SCUBE3: variants seen among roughly 807,000 people sequenced by gnomAD.
SCUBE3 encodes signal peptide, CUB and EGF-like domain-containing protein 3.
In SCUBE3, 33 loss-of-function variants were observed where a neutral mutation model predicts 116.8. The observed-to-expected ratio is 0.28, with a 90% CI of 0.21 to 0.38. SCUBE3 has a LOEUF of 0.38. Ranked by LOEUF, SCUBE3 falls within the 10% of genes least tolerant of loss-of-function variation. The probability of loss-of-function intolerance (pLI) is 1.00; values close to 1 mark genes in which losing one functional copy is unlikely to be tolerated. For missense variants in SCUBE3, 1,007 were observed against 1,324.8 expected (o/e 0.76, Z 3.72); for synonymous variants, 418 against 496.9 (o/e 0.84, Z 2.11).
At chr6:35,223,792 G>A (rs1783206472) in intron 1 of SCUBE3, 1 of 152,238 alleles carries the variant, frequency 6.6e-6, no homozygotes, top group African/African-American at 2.4e-5. Context: ...CATATGGTAG[G>A]AGAGAACTCT....
chr6:35,224,301 G>C (rs1398718097), intron 1 of SCUBE3: 5 of 152,144 alleles, frequency 3.3e-5, no homozygotes, highest in Admixed American at 3.3e-4. Flanking sequence ...GGGTTAGTTA[G>C]ATGGTGGGAG....
Position 35,228,551 on chromosome 6 carries a change from G to A in SCUBE3, c.209-63G>A. ...TATGTAAACACAACCATAAGGCTGA[G>A]TCTGGGGGTGGACAGTGGGTTCGCA... On this transcript the variant is annotated intron_variant, in intron 2 of 21. Transcript: ENST00000274938. The surrounding 1 kb of genome is among the most constrained non-coding windows in gnomAD (Gnocchi z 4.9). 1 of 1,590,018 alleles carries A rather than the reference G, an allele frequency of 6.3e-7. No individual in the cohort carries two copies. The highest frequency in any genetic ancestry group is 8.6e-7 in the Non-Finnish European group (1 of 1,162,282).
In SCUBE3 at chr6:35,244,719, A is replaced by G; in HGVS notation, c.2309A>G (p.Tyr770Cys). ...TGTATTCGCTGTGCCATGGGCTCCTATCAGCCCGACTTCCGTCAGAACTTC... is the reference window on the plus strand; with the variant it reads ...TGTATTCGCTGTGCCATGGGCTCCTGTCAGCCCGACTTCCGTCAGAACTTC... ...HRCIRCAMGSYQPDFRQNFCS... is the reference protein window; with the variant it reads ...HRCIRCAMGSCQPDFRQNFCS... Residue 770 changes from tyrosine to cysteine, a missense_variant, in exon 18 of 22, where the codon TAT (tyrosine) becomes TGT (cysteine). Tyr to Cys is a radical substitution (Grantham distance 194, BLOSUM62 -2). This residue lies in a region of SCUBE3 where 544 missense variants were observed against 638.9 expected (regional missense o/e 0.85). Coordinates refer to ENST00000274938, the MANE Select transcript of SCUBE3 (RefSeq NM_152753.4). The surrounding 1 kb of genome is among the most constrained non-coding windows in gnomAD (Gnocchi z 4.3). The G allele has an allele frequency of 6.2e-7, 1 of 1,614,152 alleles. No homozygotes were observed.
Position 35,232,453 on chromosome 6 carries a change from ATCT to A in SCUBE3, c.470-391_470-389del, listed in dbSNP as rs1216458928. On this transcript the variant is annotated intron_variant, in intron 4 of 21. Transcript: ENST00000274938. This position sits in a 1 kb window ranked among gnomAD's most constrained non-coding sequence, Gnocchi z 4.2. ...CTCATTGTAGATCTGATTGCTACTG[ATCT>A]TCTTCCCAGTTTGACTGTAAGCTCT... Among the ~76,000 whole-genome samples the A allele has an allele frequency of 6.6e-6, 1 of 151,926 alleles. No individual in the cohort carries two copies. The highest frequency in any genetic ancestry group is 2.4e-5 in the African/African-American group (1 of 41,320).
At position 35,231,943 on chromosome 6, in the gene SCUBE3, A is replaced by C; in HGVS notation, c.469+84A>C. 8.4e-7 allele frequency: 1 copy of C among 1,195,382 alleles called. No homozygotes were observed. The highest frequency in any genetic ancestry group is 1.2e-6 in the Non-Finnish European group (1 of 845,854). The allele number at this position is 1,195,382 out of a possible 1,614,324, so 74.0% of individuals were successfully genotyped here. On this transcript the variant is annotated intron_variant, in intron 4 of 21. Coordinates refer to ENST00000274938, the MANE Select transcript of SCUBE3 (RefSeq NM_152753.4). This position sits in a 1 kb window ranked among gnomAD's most constrained non-coding sequence, Gnocchi z 4.2. ...TGTCCCTCAGCAGCCCCTAAGTCTC[A>C]CCCTCCATTCTCAACTCAGCTAGCT...
intron 1 of SCUBE3, 52 bp from the exon 2 acceptor site, chr6:35,227,528 C>T (rs1783376520): frequency 1.2e-6 from 2 of 1,610,618 alleles, no homozygotes; most frequent in South Asian, 1.1e-5. Context: ...TTCAAGACAC[C>T]CCTTAAGAGG....
rs1450953702 is a variant in SCUBE3, at chr6:35,244,293, C to G, written c.2239+163C>G. 2.0e-5 allele frequency among the ~76,000 whole-genome samples: 3 copies of G among 152,200 alleles called. No homozygotes were observed. Among genetic ancestry groups the G allele is most frequent in the African/African-American group, 7.2e-5 (3 of 41,444 alleles). ...CATCCTGCTTCCAGGACCCACCCTGCCCCTCCACTAGTCCCAAGCTTGGGA... is the reference window on the plus strand; with the variant it reads ...CATCCTGCTTCCAGGACCCACCCTGGCCCTCCACTAGTCCCAAGCTTGGGA... On this transcript the variant is annotated intron_variant, in intron 17 of 21. Transcript: ENST00000274938. This position sits in a 1 kb window ranked among gnomAD's most constrained non-coding sequence, Gnocchi z 4.3.
At chr6:35,236,849 G>GT in intron 6 of SCUBE3, among the ~76,000 whole-genome samples, 1 of 152,326 alleles carries the variant, frequency 6.6e-6, no homozygotes, top group East Asian at 1.9e-4. Flanking sequence ...CAAGAGGACA[G>GT]TATGCACCAC....
At position 35,235,173 on chromosome 6, in the gene SCUBE3, A is replaced by G. The variant is rs1318316979; in HGVS notation, c.712+1872A>G. Among the ~76,000 whole-genome samples, 2 of 152,170 alleles carry G rather than the reference A, an allele frequency of 1.3e-5. No homozygotes were observed. The highest frequency in any genetic ancestry group is 2.4e-5 in the African/African-American group (1 of 41,442). On this transcript the variant is annotated intron_variant, in intron 6 of 21. Coordinates refer to ENST00000274938, the MANE Select transcript of SCUBE3 (RefSeq NM_152753.4). This position sits in a 1 kb window ranked among gnomAD's most constrained non-coding sequence, Gnocchi z 4.5. ...GAGGGTGCATCCCAGCTTAGGCTTG[A>G]GCATGCTCTGTGGTACTGGGCACAT...
At chr6:35,217,263 G>GGGGGGGGGGGGGT (rs1782957391) in intron 1 of SCUBE3, among the ~76,000 whole-genome samples, 2 of 101,412 alleles carry the variant, frequency 2.0e-5, no homozygotes, top group Admixed American at 9.0e-5. Flanking sequence ...CGGGGGGGGG[G>GGGGGGGGGGGGGT]GTGTGTGCAG....
In SCUBE3 at chr6:35,243,609, G is replaced by C. The variant is rs2150313043; in HGVS notation, c.1925G>C (p.Gly642Ala). ...AGTKCVSCPQ[G>A]TYYHGQTEQC... is the part of the protein sequence containing the mutation. ...TCTCCCTCAGTCAGCTGCCCGCAGGGAACGTATTACCACGGCCAGACGGAG... is the reference window on the plus strand; with the variant it reads ...TCTCCCTCAGTCAGCTGCCCGCAGGCAACGTATTACCACGGCCAGACGGAG... Residue 642 changes from glycine to alanine, a missense_variant, in exon 16 of 22, where the codon GGA becomes GCA. Physicochemically the swap from Gly to Ala is moderately conservative, Grantham distance 60. This residue lies in a region of SCUBE3 where 544 missense variants were observed against 638.9 expected (regional missense o/e 0.85). Transcript: ENST00000274938. This position sits in a 1 kb window ranked among gnomAD's most constrained non-coding sequence, Gnocchi z 6.6. 6.2e-7 allele frequency: 1 copy of C among 1,612,342 alleles called. No homozygotes were observed.
chr6:35,228,642 T>C lies in SCUBE3; in HGVS notation c.237T>C (p.Asn79=), dbSNP rs1473285193. Residue 79 remains asparagine, a synonymous_variant, in exon 3 of 22, where the codon AAT becomes AAC. Coordinates refer to ENST00000274938, the MANE Select transcript of SCUBE3 (RefSeq NM_152753.4). The surrounding 1 kb of genome is among the most constrained non-coding windows in gnomAD (Gnocchi z 4.9). ...KDVDECERED[N]AGCVHDCVNI... is the part of the protein sequence containing the mutation. ...TGGATGAGTGCGAGCGAGAGGATAA[T>C]GCAGGTTGTGTGCATGACTGTGTCA... The C allele has an allele frequency of 6.2e-6, 10 of 1,614,126 alleles. No homozygotes were observed. The highest frequency in any genetic ancestry group is 7.6e-6 in the Non-Finnish European group (9 of 1,179,960).
chr6:35,246,153 G>C, intron 20 of SCUBE3, 53 bp from the exon 21 acceptor site: 1 of 1,612,762 alleles, frequency 6.2e-7, no homozygotes, highest in Non-Finnish European at 8.5e-7. Flanking sequence ...AGGGAACCAG[G>C]AGAGCAGGAA....
Position 35,219,837 on chromosome 6 carries a change from C to A in SCUBE3, c.85+5334C>A, listed in dbSNP as rs1408295566. On this transcript the variant is annotated intron_variant, in intron 1 of 21. Transcript: ENST00000274938. This position sits in a 1 kb window ranked among gnomAD's most constrained non-coding sequence, Gnocchi z 4.7. ...GGTTTGAAGCTGTTAACAGCAGGAA[C>A]CTGTATCCCTGGTGTTTGTTTTTGT... Among the ~76,000 whole-genome samples, 3 of 152,146 alleles carry A rather than the reference C, an allele frequency of 2.0e-5. No homozygotes were observed. Among genetic ancestry groups the A allele is most frequent in the Non-Finnish European group, 4.4e-5 (3 of 68,018 alleles).
rs894150898 is a variant in SCUBE3 at position 35,231,371 on chromosome 6, A to G, written c.335-354A>G. Among the ~76,000 whole-genome samples, 1 of 152,070 alleles carries G rather than the reference A, an allele frequency of 6.6e-6. No individual in the cohort carries two copies. Among genetic ancestry groups the G allele is most frequent in the Non-Finnish European group, 1.5e-5 (1 of 67,998 alleles). On this transcript the variant is annotated intron_variant, in intron 3 of 21. Transcript: ENST00000274938. The surrounding 1 kb of genome is among the most constrained non-coding windows in gnomAD (Gnocchi z 4.2). ...GTTACCTATCCGACCAATGTGACCAATCTCCATCCTTACCTTCATCACTGT... is the reference window on the plus strand; with the variant it reads ...GTTACCTATCCGACCAATGTGACCAGTCTCCATCCTTACCTTCATCACTGT...
chr6:35,234,123 T>C (rs1049141715), intron 6 of SCUBE3, among the ~76,000 whole-genome samples: 10 of 152,176 alleles, frequency 6.6e-5, no homozygotes, highest in African/African-American at 1.7e-4. Context: ...TTTAGGTCTT[T>C]AGTGCTGAGA....
chr6:35,243,553 A>C lies in SCUBE3; in HGVS notation c.1910-41A>C. 17 of 1,523,464 alleles carry C rather than the reference A, an allele frequency of 1.1e-5. No individual in the cohort carries two copies. The highest frequency in any genetic ancestry group is 1.5e-5 in the Non-Finnish European group (17 of 1,129,206). The allele number at this position is 1,523,464 out of a possible 1,614,324, so 94.4% of individuals were successfully genotyped here. Reference sequence around the variant, plus strand: ...GGAGTCCCAGGCCTGGGTGGTGGGAAATGCGGGGGTGGGTGGCTAGCGCGG... The same window carrying C: ...GGAGTCCCAGGCCTGGGTGGTGGGACATGCGGGGGTGGGTGGCTAGCGCGG... On this transcript the variant is annotated intron_variant, in intron 15 of 21. Transcript: ENST00000274938. This position sits in a 1 kb window ranked among gnomAD's most constrained non-coding sequence, Gnocchi z 6.6.
At position 35,227,664 on chromosome 6, in the gene SCUBE3, G is replaced by GC; in HGVS notation, c.171dup (p.Lys58GlnfsTer16). On this transcript the variant is annotated frameshift_variant, in exon 2 of 22. Transcript: ENST00000274938. LOFTEE classifies it high-confidence loss of function. ...ACCCCGAGGTCATACAAGTGCATCT[G>GC]CAAGTCTGGCTACACAGGGGACGGC... The GC allele has an allele frequency of 6.2e-7, 1 of 1,614,132 alleles. No homozygotes were observed. The highest frequency in any genetic ancestry group is 8.5e-7 in the Non-Finnish European group (1 of 1,180,004).
chr6:35,218,568 C>T (rs547308832), intron 1 of SCUBE3, among the ~76,000 whole-genome samples: 2 of 152,316 alleles, frequency 1.3e-5, no homozygotes, highest in South Asian at 4.1e-4. Flanking sequence ...CTGGAAACTG[C>T]AGAGCTGCTC....
Sources: gnomAD v4.1 joint callset for allele counts (sites outside exome capture counted in the v4.1 genomes callset) on GRCh38, gnomAD v4.1.1 for gene constraint, gnomAD v4.1.1 regional missense constraint, Gnocchi (gnomAD v3.1) non-coding constraint, MANE v1.5 for transcripts, NCBI Gene and HGNC (gene_info 2026-07-23, HGNC 2026-07-21) for gene names.